Variants in C16orf54 observed in about 807,000 individuals in gnomAD.
The protein encoded by C16orf54 is transmembrane protein C16orf54.
C16orf54 carries 2 observed loss-of-function variants against 3.9 expected under a neutral mutation model. The observed-to-expected ratio is 0.52, with a 90% CI of 0.21 to 1.63. The LOEUF (loss-of-function observed/expected upper bound fraction) is 1.63, where lower values mean the gene tolerates loss of function less well. Ranked by LOEUF, C16orf54 falls within the 40% of genes most tolerant of loss-of-function variation. The probability of loss-of-function intolerance (pLI) is 0.21; values close to 1 mark genes in which losing one functional copy is unlikely to be tolerated. For synonymous variants in C16orf54, 128 were observed against 135.1 expected (o/e 0.95, Z 0.37); for missense variants, 272 against 326.3 (o/e 0.83, Z 1.28).
intron 1 of C16orf54, 57 bp from the exon 2 acceptor site, chr16:29,745,008 G>A (rs889903218): frequency 5.1e-6 from 7 of 1,363,496 alleles, no homozygotes; most frequent in South Asian, 3.8e-5. Flanking sequence ...GCACAACCAA[G>A]ATGAGAGAGA....
rs767282348 is a variant in C16orf54, at chr16:29,744,681, G to A, written c.271C>T (p.Arg91Cys). 26 of 1,469,964 alleles carry A rather than the reference G, an allele frequency of 1.8e-5. No homozygotes were observed. Among genetic ancestry groups the A allele is most frequent in the East Asian group, 2.5e-5 (1 of 40,628 alleles). 91.1% of individuals were successfully genotyped at this position (1,469,964 alleles called of 1,614,324 possible). ...WIEPMGTARERSEDWYGSAVP... is the reference protein window; with the variant it reads ...WIEPMGTARECSEDWYGSAVP... The stretch of plus-strand genomic sequence containing the variant: ...GCAGAGCCATACCAGTCCTCAGAGC[G>A]CTCTCGGGCGGTGCCCATGGGCTCA... Residue 91 changes from arginine to cysteine, a missense_variant, in exon 2 of 2, where the codon CGC becomes TGC. Physicochemically the swap from Arg to Cys is radical, Grantham distance 180. Transcript: ENST00000329410. This position sits in a 1 kb window ranked among gnomAD's most constrained non-coding sequence, Gnocchi z 7.1.
At chr16:29,745,010 T>C (rs1968120700) in intron 1 of C16orf54, 59 bp from the exon 2 acceptor site, 7 of 1,357,014 alleles carry the variant, frequency 5.2e-6, no homozygotes, top group Non-Finnish European at 6.6e-6. Flanking sequence ...ACAACCAAGA[T>C]GAGAGAGAGG....
In C16orf54 at chr16:29,744,295, C is replaced by G; in HGVS notation, c.657G>C (p.Arg219=). ...QISAFWKREG[R]TSVGF ...TGGGGATTCAGAACCCCACACTGGT[C>G]CGGCCTTCACGCTTCCAGAAAGCTG... The change falls in exon 2 of 2, where the codon CGG becomes CGC. Residue 219 remains arginine (R), a synonymous_variant. Coordinates refer to ENST00000329410, the MANE Select transcript of C16orf54 (RefSeq NM_175900.4). This position sits in a 1 kb window ranked among gnomAD's most constrained non-coding sequence, Gnocchi z 7.1. 6.2e-7 allele frequency: 1 copy of G among 1,612,910 alleles called. No individual in the cohort carries two copies. The highest frequency in any genetic ancestry group is 1.3e-5 in the African/African-American group (1 of 75,054).
In C16orf54 at chr16:29,744,478, C is replaced by T. The variant is rs2142336426; in HGVS notation, c.474G>A (p.Glu158=). The stretch of plus-strand genomic sequence containing the variant: ...CCAGGCCTGTGGCGGGGGGCCTCCC[C>T]TCCCAGGGCTGGGGCCCCCAGAAGG... ...RSTFWGPQPW[E]GRPPATGLVS... The change falls in exon 2 of 2, where the codon GAG becomes GAA. Residue 158 remains glutamate (E), a synonymous_variant. Coordinates refer to ENST00000329410, the MANE Select transcript of C16orf54 (RefSeq NM_175900.4). This position sits in a 1 kb window ranked among gnomAD's most constrained non-coding sequence, Gnocchi z 7.1. The T allele has an allele frequency of 1.9e-6, 3 of 1,548,624 alleles. No individual in the cohort carries two copies. The highest frequency in any genetic ancestry group is 1.4e-5 in the African/African-American group (1 of 73,104).
Position 29,744,256 on chromosome 16 carries a change from T to C in C16orf54, c.*21A>G. ...ACTGAGGCAAGGCCTGCCTCGGGGA[T>C]CTCTGGGGAACCCTGGGGATTCAGA... On this transcript the variant is annotated 3_prime_UTR_variant, in exon 2 of 2. Transcript: ENST00000329410. The surrounding 1 kb of genome is among the most constrained non-coding windows in gnomAD (Gnocchi z 7.1). The C allele has an allele frequency of 6.2e-7, 1 of 1,606,826 alleles. No homozygotes were observed. The highest frequency in any genetic ancestry group is 8.5e-7 in the Non-Finnish European group (1 of 1,175,302).
At position 29,743,844 on chromosome 16, in the gene C16orf54, G is replaced by C. The variant is rs1408948330; in HGVS notation, c.*433C>G. On this transcript the variant is annotated 3_prime_UTR_variant, in exon 2 of 2. Transcript: ENST00000329410. The stretch of plus-strand genomic sequence containing the variant: ...CAGGATTTGTGGCTCTGGGAAACTG[G>C]ATTCCTGTCATCTCCTGCCAGCTGT... 1.0e-5 allele frequency: 2 copies of C among 190,556 alleles called. No individual in the cohort carries two copies. The highest frequency in any genetic ancestry group is 4.8e-5 in the African/African-American group (2 of 41,880). The allele number at this position is 190,556 out of a possible 1,614,324, so 11.8% of individuals were successfully genotyped here. A position where few individuals can be genotyped will look rare whatever the true frequency, so the allele number is the denominator to read the frequency against.
chr16:29,743,218 C>T lies in C16orf54; in HGVS notation c.*1059G>A, dbSNP rs1429622183. The stretch of plus-strand genomic sequence containing the variant: ...GAGTTGAGATTGTGCCACTGCACTC[C>T]AGTCTGGGTGACAGAGTTGAGATTC... On this transcript the variant is annotated 3_prime_UTR_variant, in exon 2 of 2. Coordinates refer to ENST00000329410, the MANE Select transcript of C16orf54 (RefSeq NM_175900.4). 8.5e-6 allele frequency: 1 copy of T among 117,308 alleles called. No homozygotes were observed. Among genetic ancestry groups the T allele is most frequent in the African/African-American group, 3.3e-5 (1 of 30,608 alleles). The allele number at this position is 117,308 out of a possible 1,614,324, so 7.3% of individuals were successfully genotyped here.
Position 29,744,864 on chromosome 16 carries a change from G to A in C16orf54, c.88C>T (p.Pro30Ser). The change falls in exon 2 of 2, where the codon CCC (proline) becomes TCC (serine). Residue 30 changes from proline (P) to serine (S), a missense_variant. Physicochemically the swap from Pro to Ser is moderately conservative, Grantham distance 74. Transcript: ENST00000329410. The surrounding 1 kb of genome is among the most constrained non-coding windows in gnomAD (Gnocchi z 7.1). ...AAPWPSLPCGPCIPIMLVLAT... is the reference protein window; with the variant it reads ...AAPWPSLPCGSCIPIMLVLAT... ...AGGACCAGCATGATGGGGATGCAGGGCCCACAGGGCAGTGAGGGCCATGGG... is the reference window on the plus strand; with the variant it reads ...AGGACCAGCATGATGGGGATGCAGGACCCACAGGGCAGTGAGGGCCATGGG... 2 of 1,478,396 alleles carry A rather than the reference G, an allele frequency of 1.4e-6. No individual in the cohort carries two copies. The highest frequency in any genetic ancestry group is 1.8e-6 in the Non-Finnish European group (2 of 1,119,288). The allele number at this position is 1,478,396 out of a possible 1,614,324, so 91.6% of individuals were successfully genotyped here.
At position 29,744,963 on chromosome 16, in the gene C16orf54, A is replaced by C; in HGVS notation, c.1-12T>G. On this transcript the variant is annotated splice_polypyrimidine_tract_variant and intron_variant, in intron 1 of 1. Transcript: ENST00000329410. This position sits in a 1 kb window ranked among gnomAD's most constrained non-coding sequence, Gnocchi z 7.1. ...GGAGTCAACGGCATCTGAGAGACAC[A>C]GGGGTGAGAAGAGGAAGTAAATGAG... 7.0e-7 allele frequency: 1 copy of C among 1,419,912 alleles called. No individual in the cohort carries two copies. 88.0% of individuals were successfully genotyped at this position (1,419,912 alleles called of 1,614,324 possible).
Position 29,744,964 on chromosome 16 carries a change from G to A in C16orf54, c.1-13C>T, listed in dbSNP as rs1968120102. On this transcript the variant is annotated splice_polypyrimidine_tract_variant and intron_variant, in intron 1 of 1. Transcript: ENST00000329410. The surrounding 1 kb of genome is among the most constrained non-coding windows in gnomAD (Gnocchi z 7.1). ...GAGTCAACGGCATCTGAGAGACACAGGGGTGAGAAGAGGAAGTAAATGAGG... is the reference window on the plus strand; with the variant it reads ...GAGTCAACGGCATCTGAGAGACACAAGGGTGAGAAGAGGAAGTAAATGAGG... 1 of 1,421,108 alleles carries A rather than the reference G, an allele frequency of 7.0e-7. No homozygotes were observed. The highest frequency in any genetic ancestry group is 1.6e-5 in the South Asian group (1 of 61,872). The allele number at this position is 1,421,108 out of a possible 1,614,324, so 88.0% of individuals were successfully genotyped here. A position where few individuals can be genotyped will look rare whatever the true frequency, so the allele number is the denominator to read the frequency against.
In C16orf54 at chr16:29,743,994, G is replaced by A. The variant is rs1968101915; in HGVS notation, c.*283C>T. On this transcript the variant is annotated 3_prime_UTR_variant, in exon 2 of 2. Coordinates refer to ENST00000329410, the MANE Select transcript of C16orf54 (RefSeq NM_175900.4). The stretch of plus-strand genomic sequence containing the variant: ...CCATTTCCTGACTATCTAGTACCTT[G>A]GGTTCTTCATCTGGATGCGATCTTG... 6 of 529,052 alleles carry A rather than the reference G, an allele frequency of 1.1e-5. No individual in the cohort carries two copies. In the East Asian group the frequency reaches 2.0e-4, roughly 18 times the overall value. 32.8% of individuals were successfully genotyped at this position (529,052 alleles called of 1,614,324 possible).
chr16:29,745,697 C>A (rs9925799), intron 1 of C16orf54, among the ~76,000 whole-genome samples: 14,307 of 152,178 alleles, frequency 0.094, 2,306 homozygotes, highest in African/African-American at 0.33. Context: ...CGCCCCTCAC[C>A]ATTCTCCTCG....
chr16:29,744,829 C>G lies in C16orf54; in HGVS notation c.123G>C (p.Leu41=). 5 of 1,476,952 alleles carry G rather than the reference C, an allele frequency of 3.4e-6. No homozygotes were observed. The highest frequency in any genetic ancestry group is 4.5e-6 in the Non-Finnish European group (5 of 1,118,374). 91.5% of individuals were successfully genotyped at this position (1,476,952 alleles called of 1,614,324 possible). The change falls in exon 2 of 2, where the codon CTG becomes CTC. Residue 41 remains leucine (L), a synonymous_variant. Coordinates refer to ENST00000329410, the MANE Select transcript of C16orf54 (RefSeq NM_175900.4). This position sits in a 1 kb window ranked among gnomAD's most constrained non-coding sequence, Gnocchi z 7.1. The stretch of plus-strand genomic sequence containing the variant: ...CGGTGGTGAGGATGAAGAGCGCAGC[C>G]AGGGTGGCCAGGACCAGCATGATGG... The part of the protein sequence containing the change: ...CIPIMLVLAT[L]AALFILTTAV...
rs555404121 is a variant in C16orf54, at chr16:29,745,553, C to A, written c.-1+358G>T. Among the ~76,000 whole-genome samples the A allele has an allele frequency of 2.0e-5, 3 of 152,230 alleles. No homozygotes were observed. In the East Asian group the frequency reaches 5.8e-4, roughly 29 times the overall value. On this transcript the variant is annotated intron_variant, in intron 1 of 1. Transcript: ENST00000329410. ...GGGCTTCTTTCCTCCCCACTCGGCC[C>A]CCTCAAGTCTTGCTCAGACCTAGAG...
chr16:29,744,764 G>C lies in C16orf54; in HGVS notation c.188C>G (p.Pro63Arg). 6.8e-7 allele frequency: 1 copy of C among 1,461,720 alleles called. No individual in the cohort carries two copies. The highest frequency in any genetic ancestry group is 9.0e-7 in the Non-Finnish European group (1 of 1,108,352). The allele number at this position is 1,461,720 out of a possible 1,614,324, so 90.5% of individuals were successfully genotyped here. A position where few individuals can be genotyped will look rare whatever the true frequency, so the allele number is the denominator to read the frequency against. The change falls in exon 2 of 2, where the codon CCA becomes CGA. Residue 63 changes from proline to arginine, a missense_variant. Coordinates refer to ENST00000329410, the MANE Select transcript of C16orf54 (RefSeq NM_175900.4). This position sits in a 1 kb window ranked among gnomAD's most constrained non-coding sequence, Gnocchi z 7.1. ...GGTGGGTGCACGGTGGCTGGGGTCT[G>C]GGCGGAGAGCACGGCGGAACAGGCG... ...AERLFRRALR[P>R]DPSHRAPTLV...
rs1968102288 is a variant in C16orf54 at position 29,744,034 on chromosome 16, G to A, written c.*243C>T. 1.7e-6 allele frequency: 1 copy of A among 581,564 alleles called. No individual in the cohort carries two copies. The highest frequency in any genetic ancestry group is 3.0e-6 in the Non-Finnish European group (1 of 330,726). The allele number at this position is 581,564 out of a possible 1,614,324, so 36.0% of individuals were successfully genotyped here. A position where few individuals can be genotyped will look rare whatever the true frequency, so the allele number is the denominator to read the frequency against. ...ATGCGATCTTGAAGGCTTCTGGCCT[G>A]GCATTGGCTCCACCCCCAGGTCTCT... On this transcript the variant is annotated 3_prime_UTR_variant, in exon 2 of 2. Coordinates refer to ENST00000329410, the MANE Select transcript of C16orf54 (RefSeq NM_175900.4). The surrounding 1 kb of genome is among the most constrained non-coding windows in gnomAD (Gnocchi z 7.1).
chr16:29,745,159 T>C, intron 1 of C16orf54: 1 of 437,270 alleles, frequency 2.3e-6, no homozygotes, highest in Non-Finnish European at 3.9e-6. Flanking sequence ...CAGTGAAACC[T>C]CATCTCTAAA....
intron 1 of C16orf54, among the ~76,000 whole-genome samples, chr16:29,745,622 C>T (rs1326765244): frequency 6.6e-6 from 1 of 152,194 alleles, no homozygotes; most frequent in African/African-American, 2.4e-5. Context: ...CTCCCACTGG[C>T]TCCCCTGCGT....
chr16:29,745,787 C>G (rs916466698), intron 1 of C16orf54, 124 bp downstream of exon 1: 1 of 153,276 alleles, frequency 6.5e-6, no homozygotes, highest in African/African-American at 2.4e-5. Context: ...CGCCTCTGCA[C>G]CCCTCCTGGG....
Sources: allele counts gnomAD v4.1 joint callset (sites outside exome capture counted in the v4.1 genomes callset), GRCh38; gene constraint gnomAD v4.1.1; non-coding constraint Gnocchi (gnomAD v3.1); transcripts MANE v1.5; gene names NCBI Gene and HGNC (gene_info 2026-07-23, HGNC 2026-07-21).